The following PRDM1 variants were observed in gnomAD, a reference collection of about 807,000 sequenced individuals.
PRDM1 encodes PR/SET domain 1, also known as PR domain zinc finger protein 1.
A neutral mutation model predicts 62.8 loss-of-function variants in PRDM1; 13 were observed. The ratio of observed to expected loss-of-function variants is 0.21; its 90% CI spans 0.13 to 0.33. PRDM1 has a LOEUF of 0.33. Ranked by LOEUF, PRDM1 falls within the 10% of genes least tolerant of loss-of-function variation. The pLI, the probability that PRDM1 is intolerant of heterozygous loss-of-function variation, is 1.00. For synonymous variants in PRDM1, 396 were observed against 417.6 expected, an observed-to-expected ratio of 0.95 and a Z score of 0.63; for missense variants, 895 against 1,058.8, an observed-to-expected ratio of 0.85 and a Z score of 2.15.
chr6:106,025,522 T>C (rs1180751592), intron 1 of PRDM1, among the ~76,000 whole-genome samples: 1 of 152,248 alleles, frequency 6.6e-6, no homozygotes, highest in Admixed American at 6.5e-5. Flanking sequence ...AATTGTTTTC[T>C]AGTTGAAACC....
chr6:106,071,394 T>TACAC (rs369398368), intron 1 of PRDM1, among the ~76,000 whole-genome samples: 13 of 151,410 alleles, frequency 8.6e-5, no homozygotes, highest in African/African-American at 2.7e-4. Flanking sequence ...TATATATATA[T>TACAC]ACACACACAC....
At chr6:106,036,136 C>G (rs1772922831) in intron 1 of PRDM1, among the ~76,000 whole-genome samples, 1 of 151,936 alleles carries the variant, frequency 6.6e-6, no homozygotes, top group African/African-American at 2.4e-5. Flanking sequence ...ATTACTGTCT[C>G]TTTAGAATTT....
intron 2 of PRDM1, among the ~76,000 whole-genome samples, chr6:106,088,985 G>T (rs1390555593): frequency 6.6e-6 from 1 of 152,224 alleles, no homozygotes; most frequent in African/African-American, 2.4e-5. Flanking sequence ...TCATGTAAAA[G>T]TGTCCTCTGT....
chr6:106,062,359 G>A (rs1336287046), intron 1 of PRDM1, among the ~76,000 whole-genome samples: 1 of 152,192 alleles, frequency 6.6e-6, no homozygotes, highest in Non-Finnish European at 1.5e-5. Flanking sequence ...GAAAGAAAAT[G>A]TGTAATCCCT....
intron 3 of PRDM1, chr6:106,098,468 A>C (rs1774173774): frequency 2.5e-6 from 3 of 1,185,832 alleles, no homozygotes; most frequent in Non-Finnish European, 3.2e-6. Flanking sequence ...AAGGAACAAC[A>C]TACTTTCTTC....
chr6:106,088,058 C>A, intron 1 of PRDM1, 143 bp from the exon 2 acceptor site: 1 of 839,566 alleles, frequency 1.2e-6, no homozygotes, highest in Non-Finnish European at 1.6e-6. Flanking sequence ...CTTTATACGG[C>A]TTCTTGGCTC....
intron 1 of PRDM1, among the ~76,000 whole-genome samples, chr6:106,006,517 T>G (rs962244062): frequency 1.2e-4 from 18 of 151,910 alleles, no homozygotes; most frequent in African/African-American, 4.1e-4. Flanking sequence ...CGTCTCCCTT[T>G]GTATGTAGAA....
chr6:106,005,330 CTTA>C (rs1430082779), intron 1 of PRDM1, among the ~76,000 whole-genome samples: 1 of 152,206 alleles, frequency 6.6e-6, no homozygotes, highest in East Asian at 1.9e-4. Context: ...AAATAGTTGT[CTTA>C]TTGAGTAACT....
chr6:106,005,141 CTT>C (rs1235210602), intron 1 of PRDM1, among the ~76,000 whole-genome samples: 2 of 152,202 alleles, frequency 1.3e-5, no homozygotes, highest in Non-Finnish European at 2.9e-5. Flanking sequence ...CTTATCAAAA[CTT>C]AATTTCCATG....
At chr6:106,025,381 G>A (rs1029117926) in intron 1 of PRDM1, among the ~76,000 whole-genome samples, 1 of 152,162 alleles carries the variant, frequency 6.6e-6, no homozygotes, top group Non-Finnish European at 1.5e-5. Flanking sequence ...GGTCTAATTT[G>A]TCATAAAAGA....
chr6:106,048,403 C>T (rs1773113413), upstream of PRDM1, among the ~76,000 whole-genome samples: 1 of 151,904 alleles, frequency 6.6e-6, no homozygotes. Flanking sequence ...TAGGAAACAT[C>T]TCTAGAAAAA....
intron 2 of PRDM1, among the ~76,000 whole-genome samples, chr6:106,092,353 A>T (rs1037597337): frequency 1.3e-5 from 2 of 152,156 alleles, no homozygotes; most frequent in Non-Finnish European, 2.9e-5. Flanking sequence ...AGGGGTCTGC[A>T]CCGCACATAA....
chr6:106,108,602 A>G lies in PRDM1; in HGVS notation c.*1116A>G, dbSNP rs1466802051. ...GGAAGGATTCGAGGTAGATAGGCTC[A>G]GGCCACACTTTAAAAACAAACACAC... On this transcript the variant is annotated 3_prime_UTR_variant, in exon 7 of 7. Coordinates refer to ENST00000369096, the MANE Select transcript of PRDM1 (RefSeq NM_001198.4). 7 of 227,824 alleles carry G rather than the reference A, an allele frequency of 3.1e-5. No individual in the cohort carries two copies. Among genetic ancestry groups the G allele is most frequent in the Non-Finnish European group, 5.1e-5 (6 of 116,746 alleles). The allele number at this position is 227,824 out of a possible 1,614,324, so 14.1% of individuals were successfully genotyped here.
intron 1 of PRDM1, among the ~76,000 whole-genome samples, chr6:106,021,862 C>T (rs544631991): frequency 6.6e-6 from 1 of 152,290 alleles, no homozygotes; most frequent in Admixed American, 6.5e-5. Context: ...TCAGGTGATC[C>T]ACCCACCTCG....
At chr6:106,090,544 GA>G (rs1436113839) in intron 2 of PRDM1, among the ~76,000 whole-genome samples, 1 of 152,180 alleles carries the variant, frequency 6.6e-6, no homozygotes, top group Non-Finnish European at 1.5e-5. Flanking sequence ...TGAACTTTGG[GA>G]AAGGACAGCT....
intron 1 of PRDM1, among the ~76,000 whole-genome samples, chr6:106,002,424 A>T (rs1772437225): frequency 1.3e-5 from 2 of 152,152 alleles, no homozygotes; most frequent in African/African-American, 4.8e-5. Context: ...GGGATTTCAT[A>T]GTATGTTTAT....
intron 1 of PRDM1, among the ~76,000 whole-genome samples, chr6:106,071,631 G>A (rs940336479): frequency 2.0e-5 from 3 of 152,110 alleles, no homozygotes; most frequent in African/African-American, 4.8e-5. Context: ...CAGCCTAAGT[G>A]ACCCCTCTGA....
chr6:106,023,839 A>G (rs1032806305), intron 1 of PRDM1, among the ~76,000 whole-genome samples: 17 of 152,158 alleles, frequency 1.1e-4, no homozygotes, highest in African/African-American at 3.9e-4. Context: ...TCTCTGATAA[A>G]AGATTCAGAA....
intron 1 of PRDM1, among the ~76,000 whole-genome samples, chr6:106,011,950 A>C (rs928695136): frequency 2.1e-4 from 32 of 149,568 alleles, no homozygotes; most frequent in African/African-American, 7.9e-4. Context: ...ACATTCTCAC[A>C]CACCACACTA....
Sources: allele counts gnomAD v4.1 joint callset (sites outside exome capture counted in the v4.1 genomes callset), GRCh38; gene constraint gnomAD v4.1.1; transcripts MANE v1.5; gene names NCBI Gene and HGNC (gene_info 2026-07-23, HGNC 2026-07-21).